SEPTIN8: variants seen among roughly 807,000 people sequenced by gnomAD.
SEPTIN8 encodes the protein septin-8.
SEPTIN8 carries 22 observed loss-of-function variants against 53.1 expected under a neutral mutation model. The observed-to-expected ratio is 0.41, with a 90% CI of 0.30 to 0.59. SEPTIN8 has a LOEUF of 0.59. SEPTIN8 is among the 20% of genes least tolerant of loss of function. The pLI is 0.24. For synonymous variants in SEPTIN8, 228 were observed against 248.4 expected (o/e 0.92, Z 0.77); for missense variants, 536 against 638.7 (o/e 0.84, Z 1.73).
intron 9 of SEPTIN8, chr5:132,757,829 C>A: frequency 1.0e-6 from 1 of 985,420 alleles, no homozygotes; most frequent in Non-Finnish European, 1.2e-6. Context: ...TCATTTTTCC[C>A]TAATTGTCTA....
upstream of SEPTIN8, chr5:132,777,400 C>T: frequency 9.9e-7 from 1 of 1,009,782 alleles, no homozygotes; most frequent in Non-Finnish European, 1.2e-6. This position sits in a 1 kb window ranked among gnomAD's most constrained non-coding sequence, Gnocchi z 4.1. Flanking sequence ...GTCTCCGCGG[C>T]GAGGCGGGAG....
intron 9 of SEPTIN8, chr5:132,758,846 A>T (rs776924490): frequency 6.2e-7 from 1 of 1,609,754 alleles, no homozygotes; most frequent in East Asian, 2.2e-5. Context: ...AAATAAAACA[A>T]ACAAAACAAA....
Position 132,765,477 on chromosome 5 carries a change from T to C in SEPTIN8, c.83A>G (p.Asp28Gly), listed in dbSNP as rs1327555168. ...SLSLGGHVGF[D>G]SLPDQLVSKS... is the part of the protein sequence containing the mutation. ...GCTGACCAGCTGGTCGGGGAGGCTG[T>C]CGAAACCCACATGGCCGCCCAGGGA... The change falls in exon 2 of 10, where the codon GAC (aspartate) becomes GGC (glycine). Residue 28 changes from aspartate (D) to glycine (G), a missense_variant. Around this residue, in one of 3 missense-constraint regions of SEPTIN8, gnomAD observed 395 missense variants for 451.8 expected, o/e 0.87. Transcript: ENST00000378719. 6.2e-7 allele frequency: 1 copy of C among 1,613,092 alleles called. No individual in the cohort carries two copies. Among genetic ancestry groups the C allele is most frequent in the African/African-American group, 1.3e-5 (1 of 74,970 alleles).
At chr5:132,769,987 A>ATG (rs1581184551) in intron 1 of SEPTIN8, among the ~76,000 whole-genome samples, 1 of 17,096 alleles carries the variant, frequency 5.8e-5, no homozygotes, top group East Asian at 8.8e-4. Context: ...ATATACATAT[A>ATG]TATATATATA....
intron 3 of SEPTIN8, 32 bp from the exon 4 acceptor site, chr5:132,763,924 C>T: frequency 6.5e-7 from 1 of 1,527,980 alleles, no homozygotes; most frequent in Non-Finnish European, 8.8e-7. Context: ...AGGAGGCTGC[C>T]AGCTGAGATC....
chr5:132,758,459 A>G (rs754448107), intron 9 of SEPTIN8: 5 of 1,602,124 alleles, frequency 3.1e-6, no homozygotes, highest in Non-Finnish European at 3.4e-6. Flanking sequence ...ACGCTGAACA[A>G]TTAGGCCTAG....
Position 132,751,110 on chromosome 5 carries a change from C to T in SEPTIN8, c.*906G>A. The stretch of plus-strand genomic sequence containing the variant: ...GCGTGCACACGCCCTTGCACATGCA[C>T]CACAGTGAGGTGACGCACAAGGCTC... On this transcript the variant is annotated 3_prime_UTR_variant, in exon 10 of 10. Coordinates refer to ENST00000378719, the MANE Select transcript of SEPTIN8 (RefSeq NM_001098811.2). The T allele has an allele frequency of 8.1e-7, 1 of 1,233,620 alleles. No homozygotes were observed. Among genetic ancestry groups the T allele is most frequent in the Non-Finnish European group, 1.1e-6 (1 of 879,256 alleles). 76.4% of individuals were successfully genotyped at this position (1,233,620 alleles called of 1,614,324 possible).
intron 9 of SEPTIN8, chr5:132,754,459 G>A (rs1328920799): frequency 1.4e-6 from 1 of 717,488 alleles, no homozygotes; most frequent in South Asian, 1.5e-5. Context: ...GAAGACATCT[G>A]CTGCTTAACC....
At position 132,758,475 on chromosome 5, in the gene SEPTIN8, C is replaced by G. The variant is rs760259103; in HGVS notation, c.1286+2327G>C. 5.6e-6 allele frequency: 9 copies of G among 1,608,868 alleles called. No homozygotes were observed. In the Admixed American group the frequency reaches 1.2e-4, roughly 21 times the overall value. On this transcript the variant is annotated intron_variant, in intron 9 of 9. Coordinates refer to ENST00000378719, the MANE Select transcript of SEPTIN8 (RefSeq NM_001098811.2). ...CGCTGAACAATTAGGCCTAGCATCC[C>G]GGCTGGGGCCTTCGCTAGAGCGGCA...
At chr5:132,752,214 C>G in intron 9 of SEPTIN8, 33 bp from the exon 10 acceptor site, 1 of 1,551,428 alleles carries the variant, frequency 6.4e-7, no homozygotes, top group East Asian at 2.4e-5. Flanking sequence ...TCAACTTTGC[C>G]CCAGACCAGG....
chr5:132,765,307 T>G, intron 2 of SEPTIN8, 102 bp downstream of exon 2: 2 of 1,418,670 alleles, frequency 1.4e-6, no homozygotes, highest in Non-Finnish European at 9.7e-7. Context: ...AGTTTCACTC[T>G]GCCTGGGAAG....
At chr5:132,777,629 A>G, upstream of SEPTIN8, 9 of 985,456 alleles carry the variant, frequency 9.1e-6, no homozygotes, top group Non-Finnish European at 1.1e-5. This position sits in a 1 kb window ranked among gnomAD's most constrained non-coding sequence, Gnocchi z 4.1. Flanking sequence ...TCCCCCACCA[A>G]GCCGTCTCCA....
At chr5:132,752,895 G>GCT in intron 9 of SEPTIN8, 1 of 1,614,092 alleles carries the variant, frequency 6.2e-7, no homozygotes, top group Non-Finnish European at 8.5e-7. Flanking sequence ...GCTGCTGCAA[G>GCT]GAACTTGTAA....
intron 1 of SEPTIN8, among the ~76,000 whole-genome samples, chr5:132,771,895 G>A (rs1757357542): frequency 7.4e-6 from 1 of 135,486 alleles, no homozygotes. Context: ...GTGGGGGTGG[G>A]ATGCTGCTAC....
chr5:132,772,537 C>T (rs539847576), intron 1 of SEPTIN8, among the ~76,000 whole-genome samples: 2 of 152,150 alleles, frequency 1.3e-5, no homozygotes, highest in South Asian at 2.1e-4. Flanking sequence ...GGGAAAGCCA[C>T]GAGTGGTCTG....
chr5:132,762,001 A>G, intron 5 of SEPTIN8, 105 bp from the exon 6 acceptor site: 1 of 946,490 alleles, frequency 1.1e-6, no homozygotes, highest in Non-Finnish European at 1.6e-6. Context: ...AGACCTGAAC[A>G]AAGGCTCCAG....
rs1410826072 is a variant in SEPTIN8, at chr5:132,773,814, GC to G, written c.30+3293del. On this transcript the variant is annotated intron_variant, in intron 1 of 9. Transcript: ENST00000378719. The surrounding 1 kb of genome is among the most constrained non-coding windows in gnomAD (Gnocchi z 4.2). Reference sequence around the variant, plus strand: ...CTGGAATGACCAATGCTTTCCATCAGCCCCGCAGCTCTGACCCACTGCAATC... The same window carrying G: ...CTGGAATGACCAATGCTTTCCATCAGCCCGCAGCTCTGACCCACTGCAATC... 6.6e-6 allele frequency: 1 copy of G among 152,508 alleles called. No homozygotes were observed. Among genetic ancestry groups the G allele is most frequent in the African/African-American group, 2.4e-5 (1 of 41,420 alleles). 9.4% of individuals were successfully genotyped at this position (152,508 alleles called of 1,614,324 possible).
chr5:132,768,131 C>T (rs1756812680), intron 1 of SEPTIN8, among the ~76,000 whole-genome samples: 1 of 152,076 alleles, frequency 6.6e-6, no homozygotes, highest in African/African-American at 2.4e-5. Flanking sequence ...CCACACACAG[C>T]AACTGCAGAG....
Position 132,776,795 on chromosome 5 carries a change from C to T in SEPTIN8, c.30+313G>A, listed in dbSNP as rs1013038265. 9.9e-5 allele frequency among the ~76,000 whole-genome samples: 15 copies of T among 152,196 alleles called. No individual in the cohort carries two copies. Among genetic ancestry groups the T allele is most frequent in the African/African-American group, 3.6e-4 (15 of 41,464 alleles). ...AGTGTCCCGGACCCTCACCTGCGGC[C>T]CCGCGGGCGCCACTCTATCTTCGCA... On this transcript the variant is annotated intron_variant, in intron 1 of 9. Transcript: ENST00000378719. This position sits in a 1 kb window ranked among gnomAD's most constrained non-coding sequence, Gnocchi z 4.4.
Sources: allele counts gnomAD v4.1 joint callset (sites outside exome capture counted in the v4.1 genomes callset), GRCh38; gene constraint gnomAD v4.1.1; regional missense constraint gnomAD v4.1.1; non-coding constraint Gnocchi (gnomAD v3.1); transcripts MANE v1.5; gene names NCBI Gene and HGNC (gene_info 2026-07-23, HGNC 2026-07-21).